The following RANBP17 variants were observed in gnomAD, a reference collection of about 807,000 sequenced individuals.
RANBP17 encodes the protein ran-binding protein 17.
Under a neutral mutation model 141.2 loss-of-function variants are expected in RANBP17, and 158 were observed. The observed-to-expected ratio is 1.12, with a 90% CI of 0.98 to 1.28. The LOEUF (loss-of-function observed/expected upper bound fraction) is 1.28. Ranked by LOEUF, RANBP17 falls within the 50% of genes most tolerant of loss-of-function variation. The pLI, the probability that RANBP17 is intolerant of heterozygous loss-of-function variation, is 0.00. For synonymous variants in RANBP17, 430 were observed against 450.0 expected (o/e 0.96, Z 0.56); for missense variants, 1,438 against 1,290.7 (o/e 1.11, Z -1.75).
intron 14 of RANBP17, among the ~76,000 whole-genome samples, chr5:170,998,251 T>C: frequency 6.6e-6 from 1 of 152,212 alleles, no homozygotes; most frequent in South Asian, 2.1e-4. Context: ...TTTATTGTTA[T>C]GTGTGTAGAT....
intron 14 of RANBP17, among the ~76,000 whole-genome samples, chr5:171,147,560 C>T (rs1351212192): frequency 2.6e-5 from 4 of 151,868 alleles, no homozygotes; most frequent in South Asian, 2.1e-4. Context: ...GGATTACAGG[C>T]ACCCGCCACC....
At chr5:171,129,244 G>T (rs1756723443) in intron 14 of RANBP17, among the ~76,000 whole-genome samples, 1 of 152,152 alleles carries the variant, frequency 6.6e-6, no homozygotes, top group Non-Finnish European at 1.5e-5. Flanking sequence ...AAATACAGTT[G>T]TATCAGTTCA....
chr5:171,185,646 T>C (rs2127926338), intron 18 of RANBP17, among the ~76,000 whole-genome samples: 1 of 152,216 alleles, frequency 6.6e-6, no homozygotes, highest in East Asian at 1.9e-4. Flanking sequence ...AGCAATTCAG[T>C]CACATCTTCA....
At chr5:171,062,383 T>A (rs1184845152) in intron 14 of RANBP17, among the ~76,000 whole-genome samples, 2 of 152,160 alleles carry the variant, frequency 1.3e-5, no homozygotes, top group African/African-American at 4.8e-5. Context: ...AGCATTTGCT[T>A]GTCTGTAAAG....
chr5:171,042,132 C>G (rs1160972824), intron 14 of RANBP17, among the ~76,000 whole-genome samples: 1 of 151,930 alleles, frequency 6.6e-6, no homozygotes, highest in African/African-American at 2.4e-5. Flanking sequence ...TTTTCTTTAT[C>G]CAGTCTATCA....
chr5:171,285,126 C>T (rs1012925475), intron 25 of RANBP17, among the ~76,000 whole-genome samples: 7 of 152,224 alleles, frequency 4.6e-5, no homozygotes, highest in African/African-American at 1.7e-4. Flanking sequence ...TGTCTTTTCT[C>T]ATTTTATTTC....
intron 11 of RANBP17, among the ~76,000 whole-genome samples, 174 bp downstream of exon 11, chr5:170,919,787 C>G (rs182684383): frequency 6.6e-6 from 1 of 152,180 alleles, no homozygotes; most frequent in African/African-American, 2.4e-5. Context: ...TTCCATCAAT[C>G]CAGATAGTTC....
At chr5:171,171,512 T>A (rs1218728878) in intron 16 of RANBP17, among the ~76,000 whole-genome samples, 2 of 152,070 alleles carry the variant, frequency 1.3e-5, no homozygotes, top group Non-Finnish European at 2.9e-5. Context: ...ACATATAGAT[T>A]CCTAAGTAGT....
intron 24 of RANBP17, among the ~76,000 whole-genome samples, chr5:171,244,293 C>T (rs981276646): frequency 6.0e-5 from 9 of 151,242 alleles, no homozygotes; most frequent in African/African-American, 1.7e-4. Flanking sequence ...CTCGGGAGGC[C>T]AAGGCAGGAG....
chr5:170,884,244 C>G (rs915232782), intron 3 of RANBP17, among the ~76,000 whole-genome samples: 2 of 152,076 alleles, frequency 1.3e-5, no homozygotes, highest in Non-Finnish European at 2.9e-5. Context: ...TACAATTGAC[C>G]CTTGAACAAT....
chr5:171,180,900 G>T (rs1284953689), intron 16 of RANBP17, among the ~76,000 whole-genome samples: 1 of 152,136 alleles, frequency 6.6e-6, no homozygotes, highest in Non-Finnish European at 1.5e-5. Flanking sequence ...GTCAAAACAT[G>T]ACTTGCTGTT....
chr5:171,156,711 G>A (rs534889772), intron 14 of RANBP17, among the ~76,000 whole-genome samples: 4 of 152,104 alleles, frequency 2.6e-5, no homozygotes, highest in Admixed American at 6.5e-5. Flanking sequence ...TTGCCTTGCC[G>A]CACTGCAGTA....
intron 14 of RANBP17, among the ~76,000 whole-genome samples, chr5:171,019,183 A>T (rs970311122): frequency 2.0e-5 from 3 of 152,224 alleles, no homozygotes; most frequent in African/African-American, 7.2e-5. Context: ...GAATTTTCAC[A>T]TCAATGTTCA....
intron 16 of RANBP17, among the ~76,000 whole-genome samples, chr5:171,171,523 T>TA (rs1392923022): frequency 6.6e-6 from 1 of 152,074 alleles, no homozygotes. Context: ...CCTAAGTAGT[T>TA]ACAGTTATAT....
chr5:170,933,110 G>A (rs944142354), intron 12 of RANBP17, among the ~76,000 whole-genome samples: 55 of 152,114 alleles, frequency 3.6e-4, no homozygotes, highest in Non-Finnish European at 6.2e-4. Flanking sequence ...GTCTATTCAG[G>A]GATTCAGCTT....
At chr5:170,957,072 AACACACACACAC>A (rs58034888) in intron 13 of RANBP17, among the ~76,000 whole-genome samples, 11 of 142,988 alleles carry the variant, frequency 7.7e-5, no homozygotes, top group Non-Finnish European at 1.4e-4. Flanking sequence ...TCTGTCTCAA[AACACACACACAC>A]ACACACACAC....
intron 16 of RANBP17, among the ~76,000 whole-genome samples, chr5:171,177,660 T>C (rs889251163): frequency 1.3e-5 from 2 of 152,348 alleles, no homozygotes; most frequent in East Asian, 3.9e-4. Context: ...AAAGCCATCA[T>C]GAAATAGCTT....
intron 14 of RANBP17, among the ~76,000 whole-genome samples, chr5:171,104,229 A>G (rs932603088): frequency 2.6e-5 from 4 of 151,744 alleles, no homozygotes; most frequent in Non-Finnish European, 5.9e-5. Flanking sequence ...TAGAGACAGG[A>G]TTTCTCCATG....
In RANBP17 at chr5:171,278,079, A is replaced by G. The variant is rs1581171855; in HGVS notation, c.2943+12232A>G. Among the ~76,000 whole-genome samples the G allele has an allele frequency of 5.3e-5, 8 of 149,986 alleles. No homozygotes were observed. The South Asian group carries it at 1.7e-3, about 32-fold the overall frequency. ...TGGCACTTAACAGATGCTGGTTGCCAGGCACAGTGGCTCATGCCTGTAATC... is the reference window on the plus strand; with the variant it reads ...TGGCACTTAACAGATGCTGGTTGCCGGGCACAGTGGCTCATGCCTGTAATC... On this transcript the variant is annotated intron_variant, in intron 25 of 27. Transcript: ENST00000523189.
Sources: gnomAD v4.1 joint callset for allele counts (sites outside exome capture counted in the v4.1 genomes callset) on GRCh38, gnomAD v4.1.1 for gene constraint, MANE v1.5 for transcripts, NCBI Gene and HGNC (gene_info 2026-07-23, HGNC 2026-07-21) for gene names.